SPAG16: variants seen among roughly 807,000 people sequenced by gnomAD.
SPAG16 encodes the protein sperm associated antigen 16, also known as sperm-associated antigen 16 protein.
A neutral mutation model predicts 80.4 loss-of-function variants in SPAG16; 86 were observed. The ratio of observed to expected loss-of-function variants is 1.07; its 90% CI spans 0.90 to 1.28. SPAG16 has a LOEUF of 1.28. SPAG16 is among the 50% of genes most tolerant of loss of function. The probability of loss-of-function intolerance (pLI) is 0.00; values close to 1 mark genes in which losing one functional copy is unlikely to be tolerated. For missense variants in SPAG16, 870 were observed against 765.3 expected (o/e 1.14, Z -1.61); for synonymous variants, 294 against 265.9 (o/e 1.11, Z -1.03).
intron 15 of SPAG16, among the ~76,000 whole-genome samples, chr2:214,334,633 C>T (rs1354714497): frequency 6.6e-6 from 1 of 152,170 alleles, no homozygotes; most frequent in Admixed American, 6.5e-5. Flanking sequence ...TTATTATCTC[C>T]AATGTATCCC....
chr2:213,621,966 T>C (rs546874746), intron 10 of SPAG16, among the ~76,000 whole-genome samples: 13 of 152,288 alleles, frequency 8.5e-5, no homozygotes, highest in South Asian at 2.1e-4. Flanking sequence ...TTAGAACCAT[T>C]GGAGGAGGAA....
At chr2:213,317,674 T>C in intron 5 of SPAG16, 1 of 1,000,794 alleles carries the variant, frequency 1.0e-6, no homozygotes, top group Non-Finnish European at 1.2e-6. Context: ...GATAGGCTAA[T>C]TTCTGAAATA....
chr2:213,525,914 G>A (rs1283876758), intron 10 of SPAG16, among the ~76,000 whole-genome samples: 2 of 151,954 alleles, frequency 1.3e-5, no homozygotes, highest in African/African-American at 2.4e-5. Context: ...TTGTACATGT[G>A]TTTCATAAAA....
chr2:213,422,972 G>C (rs1018458678), intron 9 of SPAG16, among the ~76,000 whole-genome samples: 2 of 152,218 alleles, frequency 1.3e-5, no homozygotes, highest in Admixed American at 6.5e-5. Context: ...TGACAGCAAG[G>C]CTGTCTTCTC....
intron 15 of SPAG16, among the ~76,000 whole-genome samples, chr2:214,402,625 C>T (rs1427271995): frequency 6.6e-6 from 1 of 151,890 alleles, no homozygotes; most frequent in Non-Finnish European, 1.5e-5. Context: ...TTTGTTTCCC[C>T]TATATCAAAA....
At chr2:214,388,571 G>C (rs1303855867) in intron 15 of SPAG16, among the ~76,000 whole-genome samples, 3 of 152,092 alleles carry the variant, frequency 2.0e-5, no homozygotes, top group Non-Finnish European at 2.9e-5. Context: ...ACAGAATTAA[G>C]TCAGAGGGTA....
At chr2:213,313,074 G>A (rs1318581438) in intron 4 of SPAG16, among the ~76,000 whole-genome samples, 1 of 151,748 alleles carries the variant, frequency 6.6e-6, no homozygotes, top group Non-Finnish European at 1.5e-5. Context: ...CTAGTTATAT[G>A]TCCCATAAGA....
intron 15 of SPAG16, among the ~76,000 whole-genome samples, chr2:214,220,304 G>T (rs1246150661): frequency 6.6e-6 from 1 of 151,984 alleles, no homozygotes; most frequent in African/African-American, 2.4e-5. Flanking sequence ...AAATGACTTA[G>T]CTTACCTACA....
intron 9 of SPAG16, among the ~76,000 whole-genome samples, chr2:213,458,502 G>A (rs1425913499): frequency 6.6e-6 from 1 of 152,136 alleles, no homozygotes; most frequent in Non-Finnish European, 1.5e-5. Context: ...AATCCAGGAG[G>A]CGGACGTGGC....
chr2:214,280,580 CG>C (rs1042750100), intron 15 of SPAG16: 1 of 203,376 alleles, frequency 4.9e-6, no homozygotes, highest in African/African-American at 2.3e-5. Context: ...AACTGTTGTT[CG>C]TTTTTTTTAA....
chr2:213,391,745 A>G (rs1008811751), intron 9 of SPAG16, among the ~76,000 whole-genome samples: 2 of 152,204 alleles, frequency 1.3e-5, no homozygotes, highest in Non-Finnish European at 2.9e-5. Context: ...GTTACACTGA[A>G]TATGTCTGCT....
chr2:213,958,150 C>T (rs2044240907), intron 12 of SPAG16, among the ~76,000 whole-genome samples: 2 of 152,126 alleles, frequency 1.3e-5, no homozygotes, highest in Admixed American at 1.3e-4. Flanking sequence ...AGCCAAAGCC[C>T]TTATTGGGGT....
chr2:213,404,503 A>C (rs1200050325), intron 9 of SPAG16, among the ~76,000 whole-genome samples: 1 of 152,214 alleles, frequency 6.6e-6, no homozygotes, highest in East Asian at 1.9e-4. Context: ...CTGGCTAGCC[A>C]TATGTAGAAA....
intron 15 of SPAG16, among the ~76,000 whole-genome samples, chr2:214,405,358 C>T (rs978361440): frequency 9.9e-5 from 15 of 152,264 alleles, no homozygotes; most frequent in African/African-American, 3.6e-4. Flanking sequence ...AACTTTTGGC[C>T]TCAAGTGATC....
intron 11 of SPAG16, among the ~76,000 whole-genome samples, chr2:213,911,100 G>A (rs2077644842): frequency 6.6e-6 from 1 of 152,082 alleles, no homozygotes; most frequent in Admixed American, 6.6e-5. Context: ...TCTGGCACCT[G>A]TAATATATTT....
At chr2:214,037,226 CATAT>C (rs77142117) in intron 13 of SPAG16, among the ~76,000 whole-genome samples, 7 of 151,556 alleles carry the variant, frequency 4.6e-5, no homozygotes, top group Non-Finnish European at 8.9e-5. Context: ...TTAATATACA[CATAT>C]ATGTGTATGT....
At chr2:213,554,807 A>T (rs1038006564) in intron 10 of SPAG16, among the ~76,000 whole-genome samples, 1 of 151,954 alleles carries the variant, frequency 6.6e-6, no homozygotes, top group Non-Finnish European at 1.5e-5. Flanking sequence ...AGAACAAAGA[A>T]AAAAAGAAAA....
chr2:214,405,295 T>A (rs147504415), intron 15 of SPAG16, among the ~76,000 whole-genome samples: 38 of 152,200 alleles, frequency 2.5e-4, no homozygotes, highest in Middle Eastern at 6.8e-3. Context: ...GCTAATTTTC[T>A]TTTAAATTTT....
intron 15 of SPAG16, among the ~76,000 whole-genome samples, chr2:214,303,499 G>A (rs565772809): frequency 6.6e-6 from 1 of 152,254 alleles, no homozygotes; most frequent in South Asian, 2.1e-4. Flanking sequence ...TACTTATTCT[G>A]AAGGTATTTT....
Sources: gnomAD v4.1 joint callset for allele counts (sites outside exome capture counted in the v4.1 genomes callset) on GRCh38, gnomAD v4.1.1 for gene constraint, MANE v1.5 for transcripts, NCBI Gene and HGNC (gene_info 2026-07-23, HGNC 2026-07-21) for gene names.